MACROD2: variants seen among roughly 807,000 people sequenced by gnomAD.
MACROD2 encodes the protein mono-ADP ribosylhydrolase 2, also known as ADP-ribose glycohydrolase MACROD2.
In MACROD2, 36 loss-of-function variants were observed where a neutral mutation model predicts 70.4. The ratio of observed to expected loss-of-function variants is 0.51; its 90% confidence interval spans 0.39 to 0.68. MACROD2 has a LOEUF of 0.68. Among genes scored for constraint, MACROD2 ranks in the 30% least tolerant of loss-of-function variants. MACROD2 has a pLI of 0.00. For synonymous variants in MACROD2, 172 were observed against 178.8 expected, an observed-to-expected ratio of 0.96 and a Z score of 0.30; for missense variants, 496 against 538.4, an observed-to-expected ratio of 0.92 and a Z score of 0.78.
At chr20:15,752,146 C>G (rs1239663145) in intron 8 of MACROD2, among the ~76,000 whole-genome samples, 1 of 151,928 alleles carries the variant, frequency 6.6e-6, no homozygotes, top group Non-Finnish European at 1.5e-5. Context: ...TTGCAAAGAT[C>G]TTCACAAATA....
intron 5 of MACROD2, among the ~76,000 whole-genome samples, chr20:14,847,198 GT>G (rs1325103849): frequency 1.3e-5 from 2 of 152,130 alleles, no homozygotes; most frequent in African/African-American, 4.8e-5. Flanking sequence ...TCTAATGGGA[GT>G]GTAATGAGTT....
At chr20:14,465,193 G>A (rs1454642052) in intron 3 of MACROD2, among the ~76,000 whole-genome samples, 1 of 151,994 alleles carries the variant, frequency 6.6e-6, no homozygotes, top group Non-Finnish European at 1.5e-5. Context: ...GGTCATTCAG[G>A]ACTTGCTTTA....
chr20:16,016,043 T>A (rs1455500372), intron 15 of MACROD2, among the ~76,000 whole-genome samples: 1 of 152,128 alleles, frequency 6.6e-6, no homozygotes, highest in African/African-American at 2.4e-5. Context: ...ACTTTTCCAT[T>A]GTCACACAGA....
chr20:14,445,787 C>T (rs976176636), intron 3 of MACROD2, among the ~76,000 whole-genome samples: 1 of 152,064 alleles, frequency 6.6e-6, no homozygotes, highest in African/African-American at 2.4e-5. Context: ...ACACCAATTG[C>T]CGTAATACAT....
chr20:15,845,496 A>C (rs1038371814), intron 8 of MACROD2, among the ~76,000 whole-genome samples: 5 of 151,756 alleles, frequency 3.3e-5, no homozygotes, highest in Admixed American at 2.0e-4. Flanking sequence ...CAAGGAAATG[A>C]GTCGTGGAAA....
Position 14,237,998 on chromosome 20 carries a change from TA to T in MACROD2, c.271+152273del, listed in dbSNP as rs893974406. Among the ~76,000 whole-genome samples the T allele has an allele frequency of 6.6e-4, 101 of 152,216 alleles. 1 individual carries two copies. The highest frequency in any genetic ancestry group is 2.4e-3 in the African/African-American group (98 of 41,504). Reference sequence around the variant, plus strand: ...TTTGCTATTGTGAATAGTGCCACAATAAACATACGTGTGCATGTGTCTTTAT... The same window carrying T: ...TTTGCTATTGTGAATAGTGCCACAATAACATACGTGTGCATGTGTCTTTAT... On this transcript the variant is annotated intron_variant, in intron 3 of 17. Transcript: ENST00000684519.
At chr20:14,343,430 A>G (rs577738285) in intron 3 of MACROD2, among the ~76,000 whole-genome samples, 14 of 152,282 alleles carry the variant, frequency 9.2e-5, no homozygotes, top group African/African-American at 3.1e-4. Context: ...ATGGACTTCA[A>G]ATAAAGTGGT....
intron 3 of MACROD2, among the ~76,000 whole-genome samples, chr20:14,126,363 C>G (rs1005370350): frequency 6.6e-6 from 1 of 152,178 alleles, no homozygotes; most frequent in Non-Finnish European, 1.5e-5. Context: ...GTCATTTTAA[C>G]TTAATTACAT....
chr20:14,320,132 A>G (rs1361230891), intron 3 of MACROD2, among the ~76,000 whole-genome samples: 1 of 152,216 alleles, frequency 6.6e-6, no homozygotes, highest in Non-Finnish European at 1.5e-5. Context: ...CAAAGCCAAC[A>G]TTTACAAAAT....
intron 5 of MACROD2, among the ~76,000 whole-genome samples, chr20:14,735,414 G>A (rs984569985): frequency 1.3e-5 from 2 of 152,174 alleles, no homozygotes; most frequent in South Asian, 2.1e-4. Context: ...AGTCATTAGG[G>A]AAGTGCAAAT....
chr20:15,337,702 CA>C (rs200063463), intron 6 of MACROD2, among the ~76,000 whole-genome samples: 3 of 147,318 alleles, frequency 2.0e-5, no homozygotes, highest in Non-Finnish European at 4.5e-5. Context: ...TACAATAGGT[CA>C]AAAAAAAAGA....
intron 5 of MACROD2, among the ~76,000 whole-genome samples, chr20:14,738,928 T>G (rs936938018): frequency 2.6e-5 from 4 of 151,970 alleles, no homozygotes; most frequent in Non-Finnish European, 5.9e-5. Context: ...AATAAAAATT[T>G]TAAAAGTTCC....
At chr20:15,527,150 G>C (rs2047732831) in intron 8 of MACROD2, among the ~76,000 whole-genome samples, 1 of 152,140 alleles carries the variant, frequency 6.6e-6, no homozygotes, top group South Asian at 2.1e-4. Context: ...GACTGCATGT[G>C]TTCCCCAGAG....
At position 15,453,659 on chromosome 20, in the gene MACROD2, C is replaced by T. The variant is rs192100882; in HGVS notation, c.571+22224C>T. On this transcript the variant is annotated intron_variant, in intron 7 of 17. Transcript: ENST00000684519. ...AGACCCTGAGAGGTGACATAAGTAG[C>T]TTAGGAAGGGGCTGAGGTGGGACAA... is the stretch of plus-strand genomic sequence containing the variant. 1.4e-4 allele frequency among the ~76,000 whole-genome samples: 21 copies of T among 152,222 alleles called. 1 individual carries two copies. The highest frequency in any genetic ancestry group is 1.2e-3 in the Admixed American group (19 of 15,282).
intron 5 of MACROD2, among the ~76,000 whole-genome samples, chr20:14,834,966 T>A (rs1260858617): frequency 6.6e-6 from 1 of 151,998 alleles, no homozygotes; most frequent in Non-Finnish European, 1.5e-5. Context: ...TCTCTATATA[T>A]ACATACATAT....
At chr20:14,184,288 TTC>T (rs1237599351) in intron 3 of MACROD2, among the ~76,000 whole-genome samples, 3 of 152,208 alleles carry the variant, frequency 2.0e-5, no homozygotes, top group Non-Finnish European at 2.9e-5. Context: ...GAATAGGGAA[TTC>T]TTTCCCCATT....
rs2046221779 is a variant in MACROD2, at chr20:15,421,107, G to GTGGC, written c.541-10296_541-10293dup. ...CCTCTAAAAAAAACACAAGGGTGCG[G>GTGGC]TGGCTCATGCCTATAATCCCAGCAT... is the stretch of plus-strand genomic sequence containing the variant. On this transcript the variant is annotated intron_variant, in intron 6 of 17. Coordinates refer to ENST00000684519, the MANE Select transcript of MACROD2 (RefSeq NM_001351661.2). Among the ~76,000 whole-genome samples, 4 of 152,266 alleles carry GTGGC rather than the reference G, an allele frequency of 2.6e-5. No individual in the cohort carries two copies. In the South Asian group the frequency reaches 8.3e-4, roughly 32 times the overall value.
At chr20:14,886,054 G>A (rs2073671374) in intron 5 of MACROD2, among the ~76,000 whole-genome samples, 1 of 152,202 alleles carries the variant, frequency 6.6e-6, no homozygotes, top group Non-Finnish European at 1.5e-5. Flanking sequence ...TAGTATGTTA[G>A]ATAATGATAA....
intron 5 of MACROD2, among the ~76,000 whole-genome samples, chr20:14,857,018 A>C (rs2073262037): frequency 6.6e-6 from 1 of 152,108 alleles, no homozygotes; most frequent in African/African-American, 2.4e-5. Context: ...GTCTTAACCC[A>C]TATAGTCCAG....
Sources: allele counts gnomAD v4.1 joint callset (sites outside exome capture counted in the v4.1 genomes callset), GRCh38; gene constraint gnomAD v4.1.1; transcripts MANE v1.5; gene names NCBI Gene and HGNC (gene_info 2026-07-23, HGNC 2026-07-21).